The following GALR2 variants were observed in gnomAD, a reference collection of about 807,000 sequenced individuals.
GALR2 encodes galanin receptor type 2.
A neutral mutation model predicts 7.2 loss-of-function variants in GALR2; 5 were observed. The observed-to-expected ratio is 0.69, with a 90% CI of 0.36 to 1.45. The LOEUF (loss-of-function observed/expected upper bound fraction) is 1.45, where lower values mean the gene tolerates loss of function less well. Ranked by LOEUF, GALR2 falls within the 40% of genes most tolerant of loss-of-function variation. The pLI, the probability that GALR2 is intolerant of heterozygous loss-of-function variation, is 0.03. For missense variants in GALR2, 561 were observed against 555.7 expected (o/e 1.01, Z -0.10); for synonymous variants, 300 against 263.9 (o/e 1.14, Z -1.32).
Position 76,076,666 on chromosome 17 carries a change from C to T in GALR2, c.399C>T (p.Ser133=). 6.3e-7 allele frequency: 1 copy of T among 1,595,540 alleles called. No homozygotes were observed. The highest frequency in any genetic ancestry group is 1.1e-5 in the South Asian group (1 of 90,638). Residue 133 remains serine (S), a synonymous_variant, in exon 2 of 2, where the codon TCC becomes TCT. Transcript: ENST00000329003. This position sits in a 1 kb window ranked among gnomAD's most constrained non-coding sequence, Gnocchi z 6.5. The part of the protein sequence containing the change: ...RYLAIRYPLH[S]RELRTPRNAL... ...TGGCCATCCGCTACCCGCTGCACTC[C>T]CGCGAGCTGCGCACGCCTCGAAACG...
At position 76,075,329 on chromosome 17, in the gene GALR2, G is replaced by A; in HGVS notation, c.368+78G>A. 2.1e-6 allele frequency: 3 copies of A among 1,462,838 alleles called. No individual in the cohort carries two copies. The highest frequency in any genetic ancestry group is 2.8e-6 in the Non-Finnish European group (3 of 1,078,956). The allele number at this position is 1,462,838 out of a possible 1,614,324, so 90.6% of individuals were successfully genotyped here. A position where few individuals can be genotyped will look rare whatever the true frequency, so the allele number is the denominator to read the frequency against. ...AGCGGGAGGCGGGACTGGGGACCAA[G>A]AAGGGACGCGCAGAGTGGGACAGGA... On this transcript the variant is annotated intron_variant, in intron 1 of 1. Coordinates refer to ENST00000329003, the MANE Select transcript of GALR2 (RefSeq NM_003857.4). The surrounding 1 kb of genome is among the most constrained non-coding windows in gnomAD (Gnocchi z 5.9).
Position 76,075,643 on chromosome 17 carries a change from G to A in GALR2, c.368+392G>A, listed in dbSNP as rs972214292. 2.0e-5 allele frequency among the ~76,000 whole-genome samples: 3 copies of A among 152,222 alleles called. No homozygotes were observed. The highest frequency in any genetic ancestry group is 4.4e-5 in the Non-Finnish European group (3 of 68,038). On this transcript the variant is annotated intron_variant, in intron 1 of 1. Coordinates refer to ENST00000329003, the MANE Select transcript of GALR2 (RefSeq NM_003857.4). This position sits in a 1 kb window ranked among gnomAD's most constrained non-coding sequence, Gnocchi z 5.9. ...GTAACTCGCTCAGAGTCGCCAGCCA[G>A]GGATCGGGTGCGTGAAGTGACCGTC...
At position 76,077,417 on chromosome 17, in the gene GALR2, G is replaced by C; in HGVS notation, c.1150G>C (p.Val384Leu). Residue 384 changes from valine (V) to leucine (L), a missense_variant, in exon 2 of 2, where the codon GTT (valine) becomes CTT (leucine). By Grantham distance (32) the Val-to-Leu change is conservative. Transcript: ENST00000329003. ...AAAGGCAGGCGACAGCATCCTGACGGTTGATGTGGCCTGAAAGCACTTAGC... is the reference window on the plus strand; with the variant it reads ...AAAGGCAGGCGACAGCATCCTGACGCTTGATGTGGCCTGAAAGCACTTAGC... ...GPKAGDSILTVDVA is the reference protein window; with the variant it reads ...GPKAGDSILTLDVA 1 of 1,453,478 alleles carries C rather than the reference G, an allele frequency of 6.9e-7. No individual in the cohort carries two copies. Among genetic ancestry groups the C allele is most frequent in the Non-Finnish European group, 9.0e-7 (1 of 1,109,118 alleles). 90.0% of individuals were successfully genotyped at this position (1,453,478 alleles called of 1,614,324 possible).
At position 76,076,779 on chromosome 17, in the gene GALR2, A is replaced by C; in HGVS notation, c.512A>C (p.Asn171Thr). Residue 171 changes from asparagine (N) to threonine (T), a missense_variant, in exon 2 of 2, where the codon AAC (asparagine) becomes ACC (threonine). Physicochemically the swap from Asn to Thr is moderately conservative, Grantham distance 65. Coordinates refer to ENST00000329003, the MANE Select transcript of GALR2 (RefSeq NM_003857.4). The surrounding 1 kb of genome is among the most constrained non-coding windows in gnomAD (Gnocchi z 6.5). The stretch of plus-strand genomic sequence containing the variant: ...TACTACCGCCAGTCGCAGCTGGCCA[A>C]CCTGACCGTGTGCCATCCCGCGTGG... ...LSYYRQSQLA[N>T]LTVCHPAWSA... The C allele has an allele frequency of 6.2e-7, 1 of 1,606,184 alleles. No individual in the cohort carries two copies. Among genetic ancestry groups the C allele is most frequent in the Non-Finnish European group, 8.5e-7 (1 of 1,179,852 alleles).
rs2066890361 is a variant in GALR2, at chr17:76,076,704, T to A, written c.437T>A (p.Ile146Asn). The A allele has an allele frequency of 1.2e-6, 2 of 1,603,118 alleles. No individual in the cohort carries two copies. Among genetic ancestry groups the A allele is most frequent in the East Asian group, 4.5e-5 (2 of 44,844 alleles). The change falls in exon 2 of 2, where the codon ATC (isoleucine) becomes AAC (asparagine). Residue 146 changes from isoleucine to asparagine, a missense_variant. Ile to Asn is a moderately radical substitution (Grantham distance 149). Transcript: ENST00000329003. This position sits in a 1 kb window ranked among gnomAD's most constrained non-coding sequence, Gnocchi z 6.5. The part of the protein sequence containing the change: ...LRTPRNALAA[I>N]GLIWGLSLLF... ...ACGCCTCGAAACGCGCTGGCAGCCA[T>A]CGGGCTCATCTGGGGGCTGTCGCTG...
Position 76,077,430 on chromosome 17 carries a change from GAAAGCAC to G in GALR2, c.1164_*6del. 6.9e-7 allele frequency: 1 copy of G among 1,447,040 alleles called. No homozygotes were observed. Among genetic ancestry groups the G allele is most frequent in the Non-Finnish European group, 9.0e-7 (1 of 1,105,850 alleles). 89.6% of individuals were successfully genotyped at this position (1,447,040 alleles called of 1,614,324 possible). ...AGCATCCTGACGGTTGATGTGGCCTGAAAGCACTTAGCGGGCGCGCTGGGATGTCACA... is the reference window on the plus strand; with the variant it reads ...AGCATCCTGACGGTTGATGTGGCCTGTTAGCGGGCGCGCTGGGATGTCACA... On this transcript the variant is annotated stop_lost and 3_prime_UTR_variant, in exon 2 of 2. Coordinates refer to ENST00000329003, the MANE Select transcript of GALR2 (RefSeq NM_003857.4).
chr17:76,076,815 G>A lies in GALR2; in HGVS notation c.548G>A (p.Arg183His), dbSNP rs149391041. Reference protein sequence around the residue: ...TVCHPAWSAPRRRAMDICTFV... With the variant: ...TVCHPAWSAPHRRAMDICTFV... ...TGCCATCCCGCGTGGAGCGCCCCTC[G>A]CCGCCGCGCCATGGACATCTGCACC... The change falls in exon 2 of 2, where the codon CGC becomes CAC. Residue 183 changes from arginine (R) to histidine (H), a missense_variant. Coordinates refer to ENST00000329003, the MANE Select transcript of GALR2 (RefSeq NM_003857.4). The surrounding 1 kb of genome is among the most constrained non-coding windows in gnomAD (Gnocchi z 6.5). 70 of 1,605,404 alleles carry A rather than the reference G, an allele frequency of 4.4e-5. No individual in the cohort carries two copies. In the African/African-American group the frequency reaches 7.6e-4, roughly 17 times the overall value.
At chr17:76,072,442 C>T, upstream of GALR2, 1 of 1,583,216 alleles carries the variant, frequency 6.3e-7, no homozygotes, top group Non-Finnish European at 8.6e-7. This position sits in a 1 kb window ranked among gnomAD's most constrained non-coding sequence, Gnocchi z 4.5. Flanking sequence ...ACCGCCGCCG[C>T]CACTGCCGCC....
chr17:76,072,362 G>A, upstream of GALR2: 1 of 1,612,714 alleles, frequency 6.2e-7, no homozygotes, highest in Non-Finnish European at 8.5e-7. The surrounding 1 kb of genome is among the most constrained non-coding windows in gnomAD (Gnocchi z 4.5). Flanking sequence ...CCGGCCGAAG[G>A]GCGTTCGTTT....
chr17:76,072,462 G>T, upstream of GALR2: 1 of 1,577,804 alleles, frequency 6.3e-7, no homozygotes. This position sits in a 1 kb window ranked among gnomAD's most constrained non-coding sequence, Gnocchi z 4.5. Flanking sequence ...CGCCGCCGCC[G>T]CCGCCTGGGA....
Position 76,075,203 on chromosome 17 carries a change from T to C in GALR2, c.320T>C (p.Leu107Pro). Reference sequence around the variant, plus strand: ...AAGGCGGTGCACTTCCTCATCTTCCTCACCATGCACGCCAGCAGCTTCACG... The same window carrying C: ...AAGGCGGTGCACTTCCTCATCTTCCCCACCATGCACGCCAGCAGCTTCACG... ...LCKAVHFLIFLTMHASSFTLA... is the reference protein window; with the variant it reads ...LCKAVHFLIFPTMHASSFTLA... The change falls in exon 1 of 2, where the codon CTC becomes CCC. Residue 107 changes from leucine (L) to proline (P), a missense_variant. Leu to Pro is a moderately conservative substitution (Grantham distance 98). Transcript: ENST00000329003. This position sits in a 1 kb window ranked among gnomAD's most constrained non-coding sequence, Gnocchi z 5.9. 1 of 1,609,562 alleles carries C rather than the reference T, an allele frequency of 6.2e-7. No homozygotes were observed. The highest frequency in any genetic ancestry group is 8.5e-7 in the Non-Finnish European group (1 of 1,179,942).
In GALR2 at chr17:76,075,122, C is replaced by G. The variant is rs990885357; in HGVS notation, c.239C>G (p.Pro80Arg). The G allele has an allele frequency of 6.2e-7, 1 of 1,612,494 alleles. No homozygotes were observed. The highest frequency in any genetic ancestry group is 1.7e-5 in the Admixed American group (1 of 60,008). The change falls in exon 1 of 2, where the codon CCC (proline) becomes CGC (arginine). Residue 80 changes from proline to arginine, a missense_variant. Physicochemically the swap from Pro to Arg is moderately radical, Grantham distance 103 (BLOSUM62 -2). Transcript: ENST00000329003. The surrounding 1 kb of genome is among the most constrained non-coding windows in gnomAD (Gnocchi z 5.9). The part of the protein sequence containing the change: ...ADLCFILCCV[P>R]FQATIYTLDG... ...CTGTGTTTCATCCTGTGCTGCGTGC[C>G]CTTCCAGGCCACCATCTACACCCTG...
At position 76,076,647 on chromosome 17, in the gene GALR2, T is replaced by C; in HGVS notation, c.380T>C (p.Ile127Thr). ...CGGTCTGACCGCAGGTATCTGGCCA[T>C]CCGCTACCCGCTGCACTCCCGCGAG... ...AAVSLDRYLAIRYPLHSRELR... is the reference protein window; with the variant it reads ...AAVSLDRYLATRYPLHSRELR... The change falls in exon 2 of 2, where the codon ATC (isoleucine) becomes ACC (threonine). Residue 127 changes from isoleucine (I) to threonine (T), a missense_variant. By Grantham distance (89) the Ile-to-Thr change is moderately conservative (BLOSUM62 -1). Coordinates refer to ENST00000329003, the MANE Select transcript of GALR2 (RefSeq NM_003857.4). The surrounding 1 kb of genome is among the most constrained non-coding windows in gnomAD (Gnocchi z 6.5). The C allele has an allele frequency of 1.3e-6, 2 of 1,583,284 alleles. No homozygotes were observed. Among genetic ancestry groups the C allele is most frequent in the Admixed American group, 1.7e-5 (1 of 58,974 alleles).
At chr17:76,072,233 C>A (rs920277138), upstream of GALR2, 3 of 1,598,190 alleles carry the variant, frequency 1.9e-6, no homozygotes, top group Admixed American at 1.8e-5. This position sits in a 1 kb window ranked among gnomAD's most constrained non-coding sequence, Gnocchi z 4.5. Flanking sequence ...TGTCGGGACC[C>A]GCCGCCTCTC....
chr17:76,077,276 C>G lies in GALR2; in HGVS notation c.1009C>G (p.Arg337Gly), dbSNP rs990822351. 2.5e-6 allele frequency: 4 copies of G among 1,600,408 alleles called. No homozygotes were observed. Among genetic ancestry groups the G allele is most frequent in the Non-Finnish European group, 3.4e-6 (4 of 1,177,134 alleles). The change falls in exon 2 of 2, where the codon CGC (arginine) becomes GGC (glycine). Residue 337 changes from arginine (R) to glycine (G), a missense_variant. Physicochemically the swap from Arg to Gly is moderately radical, Grantham distance 125. Transcript: ENST00000329003. ...CACCCACAGTGGCAGCGTGTTGGAG[C>G]GCGAGTCCAGCGACCTGTTGCACAT... ...RGTHSGSVLE[R>G]ESSDLLHMSE...
rs962052385 is a variant in GALR2, at chr17:76,076,151, G to T, written c.369-485G>T. Among the ~76,000 whole-genome samples, 1 of 152,208 alleles carries T rather than the reference G, an allele frequency of 6.6e-6. No homozygotes were observed. Among genetic ancestry groups the T allele is most frequent in the Non-Finnish European group, 1.5e-5 (1 of 68,044 alleles). ...CGCGCTGGTGGGATCCACAAAGCTC[G>T]CATTCTCTCAGGAATCCCCTGAGAA... On this transcript the variant is annotated intron_variant, in intron 1 of 1. Transcript: ENST00000329003. The surrounding 1 kb of genome is among the most constrained non-coding windows in gnomAD (Gnocchi z 6.5).
rs1449312915 is a variant in GALR2 at position 76,074,938 on chromosome 17, G to A, written c.55G>A (p.Gly19Arg). ...GAACGCGAGCCAGGCGGGCGGCGGG[G>A]GAGGCTGGCACCCCGAGGCGGTCAT... is the stretch of plus-strand genomic sequence containing the variant. Reference protein sequence around the residue: ...AGNASQAGGGGGWHPEAVIVP... With the variant: ...AGNASQAGGGRGWHPEAVIVP... Residue 19 changes from glycine (G) to arginine (R), a missense_variant, in exon 1 of 2, where the codon GGA becomes AGA. Coordinates refer to ENST00000329003, the MANE Select transcript of GALR2 (RefSeq NM_003857.4). The surrounding 1 kb of genome is among the most constrained non-coding windows in gnomAD (Gnocchi z 6.7). 6.4e-6 allele frequency: 10 copies of A among 1,564,572 alleles called. No homozygotes were observed. Among genetic ancestry groups the A allele is most frequent in the Non-Finnish European group, 7.7e-6 (9 of 1,162,808 alleles).
upstream of GALR2, chr17:76,074,728 C>T (rs539888996): frequency 3.3e-4 from 251 of 754,014 alleles, no homozygotes; most frequent in Admixed American, 1.4e-3. The surrounding 1 kb of genome is among the most constrained non-coding windows in gnomAD (Gnocchi z 6.7). Context: ...GACCCCAGCG[C>T]ACCCCCATCC....
upstream of GALR2, among the ~76,000 whole-genome samples, chr17:76,073,963 T>C (rs1054168822): frequency 1.3e-5 from 2 of 151,946 alleles, no homozygotes; most frequent in African/African-American, 2.4e-5. Context: ...TTGGCCAACA[T>C]GGTGAAACCC....
Sources: gnomAD v4.1 joint callset for allele counts (sites outside exome capture counted in the v4.1 genomes callset) on GRCh38, gnomAD v4.1.1 for gene constraint, Gnocchi (gnomAD v3.1) non-coding constraint, MANE v1.5 for transcripts, NCBI Gene and HGNC (gene_info 2026-07-23, HGNC 2026-07-21) for gene names.